RELN: variants seen among roughly 807,000 people sequenced by gnomAD.
RELN encodes the protein reelin.
Under a neutral mutation model 427.6 loss-of-function variants are expected in RELN, and 108 were observed. That is an observed-to-expected ratio of 0.25 (90% confidence interval 0.22 to 0.30). RELN has a LOEUF of 0.30. Ranked by LOEUF, RELN falls within the 10% of genes least tolerant of loss-of-function variation. RELN has a pLI of 1.00. For missense variants in RELN, 3,715 were observed against 4,302.8 expected, an observed-to-expected ratio of 0.86 and a Z score of 3.82; for synonymous variants, 1,524 against 1,513.4, an observed-to-expected ratio of 1.01 and a Z score of -0.16.
chr7:103,489,203 G>GGTGGGTGTGTGT (rs1554362017), intron 60 of RELN, among the ~76,000 whole-genome samples: 3 of 147,868 alleles, frequency 2.0e-5, no homozygotes, highest in African/African-American at 7.6e-5. Context: ...GTCATAAAGG[G>GGTGGGTGTGTGT]GTGTGTGTGT....
At position 103,833,692 on chromosome 7, in the gene RELN, G is replaced by C. The variant is rs1793329866; in HGVS notation, c.338-20C>G. On this transcript the variant is annotated intron_variant, in intron 2 of 64. Transcript: ENST00000428762. ...TGATCCCTAAGAGAAAGGAAGGAGA[G>C]TTGTTACAAAGACAACAAAACAAAG... The C allele has an allele frequency of 1.2e-6, 2 of 1,609,148 alleles. No homozygotes were observed. The highest frequency in any genetic ancestry group is 2.2e-5 in the East Asian group (1 of 44,770).
chr7:103,763,894 T>TA (rs896091810), intron 4 of RELN, among the ~76,000 whole-genome samples: 45 of 150,898 alleles, frequency 3.0e-4, no homozygotes, highest in East Asian at 1.2e-3. Flanking sequence ...AAGGCCTGAA[T>TA]AAAAAAAAAT....
In RELN at chr7:103,503,212, C is replaced by A; in HGVS notation, c.8293G>T (p.Val2765Leu). Residue 2765 changes from valine to leucine, a missense_variant, in exon 52 of 65, where the codon GTG becomes TTG. Val to Leu is a conservative substitution (Grantham distance 32). Around this residue, in one of 4 missense-constraint regions of RELN, gnomAD observed 1,310 missense variants for 1,643.0 expected, o/e 0.80. Transcript: ENST00000428762. ...TGATTCTGGGCAATTTTTTCAGACA[C>A]CTTACATCCAACTGAGATCTAATAA... ...MQFKISVGCK[V>L]SEKIAQNQIH... The A allele has an allele frequency of 1.2e-6, 2 of 1,614,034 alleles. No individual in the cohort carries two copies. Among genetic ancestry groups the A allele is most frequent in the Non-Finnish European group, 1.7e-6 (2 of 1,179,952 alleles).
intron 3 of RELN, among the ~76,000 whole-genome samples, chr7:103,817,937 C>CAAAAAAAAAAAAAAAAAAAAAAAAAA (rs71154371): frequency 5.6e-5 from 2 of 36,018 alleles, no homozygotes; most frequent in African/African-American, 1.5e-4. Context: ...GACTCCATCT[C>CAAAAAAAAAAAAAAAAAAAAAAAAAA]AAAAAAAAAA....
chr7:103,483,041 G>C (rs2116976279), intron 62 of RELN, 70 bp from the exon 63 acceptor site: 7 of 1,178,634 alleles, frequency 5.9e-6, no homozygotes, highest in South Asian at 3.7e-5. Flanking sequence ...TTGACTTCTA[G>C]ATGTCAAATA....
chr7:103,914,383 C>G (rs183494493), intron 2 of RELN, among the ~76,000 whole-genome samples: 5 of 152,078 alleles, frequency 3.3e-5, no homozygotes, highest in Non-Finnish European at 7.4e-5. Flanking sequence ...AATGATAGTT[C>G]CTTAATTCAG....
chr7:103,915,550 T>A (rs1315763320), intron 2 of RELN, among the ~76,000 whole-genome samples: 2 of 152,114 alleles, frequency 1.3e-5, no homozygotes, highest in Non-Finnish European at 2.9e-5. Flanking sequence ...AGTTACTGCT[T>A]TCCAGGTGAT....
intron 31 of RELN, among the ~76,000 whole-genome samples, chr7:103,570,926 A>C (rs764921853): frequency 6.6e-5 from 10 of 152,346 alleles, no homozygotes; most frequent in Non-Finnish European, 8.8e-5. Context: ...TATCAATAAA[A>C]GCACCTAGAA....
chr7:103,510,434 C>T (rs1829368701), intron 51 of RELN, among the ~76,000 whole-genome samples: 1 of 152,136 alleles, frequency 6.6e-6, no homozygotes, highest in East Asian at 1.9e-4. Flanking sequence ...GGGAGTTGAA[C>T]AATGAGAACA....
At chr7:103,783,077 A>G (rs887509211) in intron 3 of RELN, among the ~76,000 whole-genome samples, 3 of 152,022 alleles carry the variant, frequency 2.0e-5, no homozygotes, top group Non-Finnish European at 4.4e-5. Context: ...AGTTCGGTAA[A>G]TTTGATCTTC....
chr7:103,787,384 T>C (rs894770294), intron 3 of RELN, among the ~76,000 whole-genome samples: 26 of 151,022 alleles, frequency 1.7e-4, no homozygotes, highest in Non-Finnish European at 3.0e-5. Context: ...AAAAAATCAA[T>C]GAATCCAGGA....
chr7:103,510,912 C>G lies in RELN; in HGVS notation c.8213G>C (p.Arg2738Pro). The change falls in exon 51 of 65, where the codon CGG (arginine) becomes CCG (proline). Residue 2738 changes from arginine to proline, a missense_variant. Arg to Pro is a moderately radical substitution (Grantham distance 103, BLOSUM62 -2). Transcript: ENST00000428762. Reference protein sequence around the residue: ...GVMLCGSHDGREVYAVTHDLT... With the variant: ...GVMLCGSHDGPEVYAVTHDLT... ...GTCATGGGTCACTGCATACACCTCC[C>G]GTCCATCATGACTGCCACAGAGCAT... 1.2e-6 allele frequency: 2 copies of G among 1,613,042 alleles called. No homozygotes were observed. Among genetic ancestry groups the G allele is most frequent in the Non-Finnish European group, 1.7e-6 (2 of 1,179,108 alleles).
chr7:103,788,259 T>C (rs1398890936), intron 3 of RELN, among the ~76,000 whole-genome samples: 2 of 152,152 alleles, frequency 1.3e-5, no homozygotes, highest in East Asian at 1.9e-4. Context: ...ACTGGAAGCA[T>C]TCCCTTTGAA....
intron 8 of RELN, among the ~76,000 whole-genome samples, chr7:103,714,650 C>T (rs557453597): frequency 4.2e-4 from 64 of 152,188 alleles, no homozygotes; most frequent in African/African-American, 1.1e-3. Flanking sequence ...CATGCTTTGT[C>T]GAAGTTCAGG....
At chr7:103,740,590 T>G (rs1411161043) in intron 6 of RELN, among the ~76,000 whole-genome samples, 2 of 152,232 alleles carry the variant, frequency 1.3e-5, no homozygotes, top group African/African-American at 4.8e-5. Flanking sequence ...TTACCTTTAT[T>G]TATAATATCA....
At chr7:103,795,559 G>C (rs1792279575) in intron 3 of RELN, among the ~76,000 whole-genome samples, 1 of 152,196 alleles carries the variant, frequency 6.6e-6, no homozygotes, top group African/African-American at 2.4e-5. Context: ...GTATTTTAGA[G>C]TAGAGTCATA....
chr7:103,703,546 A>G (rs1451741080), intron 8 of RELN, among the ~76,000 whole-genome samples: 1 of 152,172 alleles, frequency 6.6e-6, no homozygotes, highest in South Asian at 2.1e-4. Context: ...TTAGGGAGTG[A>G]GGAGGGAATG....
intron 40 of RELN, among the ~76,000 whole-genome samples, chr7:103,552,664 G>A (rs137941735): frequency 2.1e-4 from 32 of 151,716 alleles, no homozygotes; most frequent in East Asian, 5.8e-4. Context: ...CACCATGCCC[G>A]GCTAATTTTT....
chr7:103,813,430 T>G (rs187705614), intron 3 of RELN, among the ~76,000 whole-genome samples: 1 of 152,022 alleles, frequency 6.6e-6, no homozygotes, highest in Non-Finnish European at 1.5e-5. Flanking sequence ...TAAATAAGAG[T>G]AACTTTATCT....
Sources: gnomAD v4.1 joint callset for allele counts (sites outside exome capture counted in the v4.1 genomes callset) on GRCh38, gnomAD v4.1.1 for gene constraint, gnomAD v4.1.1 regional missense constraint, MANE v1.5 for transcripts, NCBI Gene and HGNC (gene_info 2026-07-23, HGNC 2026-07-21) for gene names.